The following SWT1 variants were observed in gnomAD, a reference collection of about 807,000 sequenced individuals.
SWT1 encodes transcriptional protein SWT1.
A neutral mutation model predicts 107.3 loss-of-function variants in SWT1; 33 were observed. That is an observed-to-expected ratio of 0.31 (90% CI 0.23 to 0.41). The LOEUF (loss-of-function observed/expected upper bound fraction) is 0.41. SWT1 is among the 10% of genes least tolerant of loss of function. The probability of loss-of-function intolerance (pLI) is 1.00; values close to 1 mark genes in which losing one functional copy is unlikely to be tolerated. For synonymous variants in SWT1, 345 were observed against 348.3 expected (o/e 0.99, Z 0.11); for missense variants, 898 against 1,028.9 (o/e 0.87, Z 1.74).
At position 185,217,088 on chromosome 1, in the gene SWT1, A is replaced by G. The variant is rs74134442; in HGVS notation, c.2121+2433A>G. On this transcript the variant is annotated intron_variant, in intron 14 of 18. Coordinates refer to ENST00000367500, the MANE Select transcript of SWT1 (RefSeq NM_017673.7). The stretch of plus-strand genomic sequence containing the variant: ...GTAGCAAAGAATCTAGCATCCTAAT[A>G]GTGCTTTCCCCTCAACACTTGGCTT... Among the ~76,000 whole-genome samples, 425 of 152,346 alleles carry G rather than the reference A, an allele frequency of 2.8e-3. 5 individuals are homozygous for G. Among genetic ancestry groups the G allele is most frequent in the African/African-American group, 9.9e-3 (411 of 41,584 alleles).
chr1:185,177,576 T>A (rs1447044093), intron 5 of SWT1, among the ~76,000 whole-genome samples: 1 of 152,238 alleles, frequency 6.6e-6, no homozygotes, highest in Non-Finnish European at 1.5e-5. Context: ...CAGCATATTA[T>A]TGACAGCAGA....
chr1:185,242,007 A>G (rs1485705075), intron 16 of SWT1, among the ~76,000 whole-genome samples: 2 of 152,168 alleles, frequency 1.3e-5, no homozygotes, highest in South Asian at 2.1e-4. Context: ...TTTATCAACT[A>G]TAGATTATTA....
At chr1:185,265,139 A>ATGTTTTTAT (rs1663283792) in intron 16 of SWT1, among the ~76,000 whole-genome samples, 1 of 152,172 alleles carries the variant, frequency 6.6e-6, no homozygotes, top group Non-Finnish European at 1.5e-5. Flanking sequence ...TATGTTTAAT[A>ATGTTTTTAT]GTTATATGTA....
intron 4 of SWT1, among the ~76,000 whole-genome samples, chr1:185,173,604 G>T (rs1655286463): frequency 6.6e-6 from 1 of 151,808 alleles, no homozygotes; most frequent in Non-Finnish European, 1.5e-5. Context: ...AGCTACTCAG[G>T]AGGCTGAGGC....
At chr1:185,160,204 G>C (rs1654023744) in intron 1 of SWT1, among the ~76,000 whole-genome samples, 1 of 152,188 alleles carries the variant, frequency 6.6e-6, no homozygotes, top group Non-Finnish European at 1.5e-5. Flanking sequence ...TGAAGTGTGG[G>C]TGGTGAAGAA....
chr1:185,264,663 T>G (rs1663250893), intron 16 of SWT1: 1 of 170,260 alleles, frequency 5.9e-6, no homozygotes, highest in African/African-American at 2.4e-5. Context: ...ATCACTTAGC[T>G]GGAAAGCGGT....
At chr1:185,247,859 G>T (rs975915275) in intron 16 of SWT1, among the ~76,000 whole-genome samples, 2 of 152,108 alleles carry the variant, frequency 1.3e-5, no homozygotes, top group Non-Finnish European at 2.9e-5. Flanking sequence ...TTTGCTTCTA[G>T]AAGTGTTTTT....
rs1654773195 is a variant in SWT1 at position 185,168,417 on chromosome 1, T to C, written c.224+19T>C. On this transcript the variant is annotated intron_variant, in intron 4 of 18. Transcript: ENST00000367500. ...TGAAAAGGTAAATTTCTCCTTTTTC[T>C]TTTTACTGTTTTGGTTTAGAATTAT... The C allele has an allele frequency of 7.3e-7, 1 of 1,362,750 alleles. No homozygotes were observed. Among genetic ancestry groups the C allele is most frequent in the Non-Finnish European group, 9.8e-7 (1 of 1,018,588 alleles). 84.4% of individuals were successfully genotyped at this position (1,362,750 alleles called of 1,614,324 possible). A position where few individuals can be genotyped will look rare whatever the true frequency, so the allele number is the denominator to read the frequency against.
intron 4 of SWT1, among the ~76,000 whole-genome samples, chr1:185,170,934 A>T (rs1654999957): frequency 6.6e-6 from 1 of 152,110 alleles, no homozygotes; most frequent in African/African-American, 2.4e-5. Flanking sequence ...GGCAGACGTC[A>T]CCTGTTTTCT....
At chr1:185,173,530 CAAAAAAAAAA>C (rs869052260) in intron 4 of SWT1, among the ~76,000 whole-genome samples, 1 of 96,574 alleles carries the variant, frequency 1.0e-5, no homozygotes, top group Non-Finnish European at 2.1e-5. Flanking sequence ...CTGTCTCTAC[CAAAAAAAAAA>C]AAAAAAAAAA....
intron 16 of SWT1, among the ~76,000 whole-genome samples, chr1:185,265,009 T>A (rs772005670): frequency 3.0e-4 from 46 of 152,300 alleles, no homozygotes; most frequent in Admixed American, 7.8e-4. Flanking sequence ...ACATAGTCAT[T>A]AAAATTACCT....
At chr1:185,182,477 G>A (rs1656098645) in intron 7 of SWT1, among the ~76,000 whole-genome samples, 1 of 152,028 alleles carries the variant, frequency 6.6e-6, no homozygotes, top group African/African-American at 2.4e-5. Flanking sequence ...AGACCAGCCT[G>A]GGCAGCATAG....
chr1:185,196,712 G>A (rs1657422763), intron 10 of SWT1, among the ~76,000 whole-genome samples: 1 of 152,108 alleles, frequency 6.6e-6, no homozygotes, highest in Non-Finnish European at 1.5e-5. Flanking sequence ...TCCCTTGTAA[G>A]TTGTATTCCT....
At chr1:185,225,503 A>G (rs775314989) in intron 15 of SWT1, among the ~76,000 whole-genome samples, 1 of 152,132 alleles carries the variant, frequency 6.6e-6, no homozygotes, top group Non-Finnish European at 1.5e-5. Flanking sequence ...TTTTCTTTAA[A>G]TATTTGTTAG....
intron 16 of SWT1, among the ~76,000 whole-genome samples, chr1:185,247,564 C>T (rs1661702458): frequency 6.6e-6 from 1 of 152,038 alleles, no homozygotes; most frequent in Non-Finnish European, 1.5e-5. Flanking sequence ...GATGAAGCTA[C>T]CTCAATTATA....
Position 185,168,337 on chromosome 1 carries a change from C to T in SWT1, c.166-3C>T. 2 of 910,960 alleles carry T rather than the reference C, an allele frequency of 2.2e-6. No homozygotes were observed. Among genetic ancestry groups the T allele is most frequent in the Non-Finnish European group, 2.9e-6 (2 of 698,704 alleles). The allele number at this position is 910,960 out of a possible 1,614,324, so 56.4% of individuals were successfully genotyped here. A position where few individuals can be genotyped will look rare whatever the true frequency, so the allele number is the denominator to read the frequency against. ...TTATGTGTCCTTTTTTTATTTATTT[C>T]AGAAATCAGATCATACAGATGTTCT... is the stretch of plus-strand genomic sequence containing the variant. On this transcript the variant is annotated splice_region_variant and splice_polypyrimidine_tract_variant and intron_variant, in intron 3 of 18. Coordinates refer to ENST00000367500, the MANE Select transcript of SWT1 (RefSeq NM_017673.7).
chr1:185,235,266 A>C (rs1660783838), intron 16 of SWT1, among the ~76,000 whole-genome samples: 1 of 152,232 alleles, frequency 6.6e-6, no homozygotes, highest in South Asian at 2.1e-4. Flanking sequence ...AACAAAAAAG[A>C]AAATTTCAGG....
intron 10 of SWT1, among the ~76,000 whole-genome samples, chr1:185,192,678 C>T (rs1441404188): frequency 1.9e-4 from 28 of 148,960 alleles, no homozygotes; most frequent in African/African-American, 6.7e-4. Flanking sequence ...GACAGAGTCT[C>T]ACTCTGTCAC....
intron 14 of SWT1, among the ~76,000 whole-genome samples, chr1:185,216,642 C>T (rs1659236220): frequency 6.6e-6 from 1 of 151,992 alleles, no homozygotes; most frequent in Non-Finnish European, 1.5e-5. Flanking sequence ...GTATATGTTG[C>T]CCATTGCATA....
Sources: allele counts gnomAD v4.1 joint callset (sites outside exome capture counted in the v4.1 genomes callset), GRCh38; gene constraint gnomAD v4.1.1; transcripts MANE v1.5; gene names NCBI Gene and HGNC (gene_info 2026-07-23, HGNC 2026-07-21).